The following SLAMF8 variants were observed in gnomAD, a reference collection of about 807,000 sequenced individuals.
SLAMF8 encodes the protein B lymphocyte activator macrophage expressed.
In SLAMF8, 23 loss-of-function variants were observed where a neutral mutation model predicts 29.0. The observed-to-expected ratio is 0.79, with a 90% CI of 0.57 to 1.13. The LOEUF (loss-of-function observed/expected upper bound fraction) is 1.13. Among genes scored for constraint, SLAMF8 ranks in the 50% most tolerant of loss-of-function variants. The pLI is 0.00. For missense variants in SLAMF8, 381 were observed against 353.1 expected (o/e 1.08, Z -0.63); for synonymous variants, 139 against 145.6 (o/e 0.96, Z 0.32).
At chr1:159,833,664 C>G (rs1050544823) in intron 4 of SLAMF8, among the ~76,000 whole-genome samples, 1 of 152,178 alleles carries the variant, frequency 6.6e-6, no homozygotes, top group African/African-American at 2.4e-5. Context: ...AGCCTCCCCC[C>G]TTCATGTGGC....
In SLAMF8 at chr1:159,829,977, G is replaced by C. The variant is rs140969397; in HGVS notation, c.152G>C (p.Arg51Pro). The C allele has an allele frequency of 1.1e-5, 17 of 1,614,124 alleles. No homozygotes were observed. Among genetic ancestry groups the C allele is most frequent in the Non-Finnish European group, 1.4e-5 (17 of 1,180,054 alleles). ...TTCCAAGTCCGTGAGGCTATCTGGC[G>C]ATCTCTCTGGCCTTCAGAAGAGCTC... is the stretch of plus-strand genomic sequence containing the variant. ...PGFQVREAIW[R>P]SLWPSEELLA... is the part of the protein sequence containing the mutation. Residue 51 changes from arginine (R) to proline (P), a missense_variant, in exon 2 of 5, where the codon CGA (arginine) becomes CCA (proline). Arg to Pro is a moderately radical substitution (Grantham distance 103, BLOSUM62 -2). Coordinates refer to ENST00000289707, the MANE Select transcript of SLAMF8 (RefSeq NM_020125.3).
Position 159,837,041 on chromosome 1 carries a change from A to G in SLAMF8, c.*1781A>G, listed in dbSNP as rs555916057. ...AATGAGCCCTGGTGGATTTGTGGGGAAAAAATACACAGCACTCCCCACCTT... is the reference window on the plus strand; with the variant it reads ...AATGAGCCCTGGTGGATTTGTGGGGGAAAAATACACAGCACTCCCCACCTT... On this transcript the variant is annotated 3_prime_UTR_variant, in exon 5 of 5. Coordinates refer to ENST00000289707, the MANE Select transcript of SLAMF8 (RefSeq NM_020125.3). 2 of 985,416 alleles carry G rather than the reference A, an allele frequency of 2.0e-6. No individual in the cohort carries two copies. Among genetic ancestry groups the G allele is most frequent in the East Asian group, 1.1e-4 (1 of 8,820 alleles). 61.0% of individuals were successfully genotyped at this position (985,416 alleles called of 1,614,324 possible). A position where few individuals can be genotyped will look rare whatever the true frequency, so the allele number is the denominator to read the frequency against.
At chr1:159,831,576 A>AT (rs1647491168) in intron 2 of SLAMF8, among the ~76,000 whole-genome samples, 1 of 151,996 alleles carries the variant, frequency 6.6e-6, no homozygotes, top group African/African-American at 2.4e-5. Context: ...GCTGCCGCAC[A>AT]TGTGAAATGA....
chr1:159,830,143 G>A lies in SLAMF8; in HGVS notation c.318G>A (p.Val106=), dbSNP rs754307631. Residue 106 remains valine (V), a synonymous_variant, in exon 2 of 5, where the codon GTG becomes GTA. Coordinates refer to ENST00000289707, the MANE Select transcript of SLAMF8 (RefSeq NM_020125.3). Reference sequence around the variant, plus strand: ...GCGGCAACTTCTCCGTGTTGATGGTGGACACAAGGGGCCAGCCCTGGACCC... The same window carrying A: ...GCGGCAACTTCTCCGTGTTGATGGTAGACACAAGGGGCCAGCCCTGGACCC... ...GDSGNFSVLM[V]DTRGQPWTQT... 2 of 1,613,580 alleles carry A rather than the reference G, an allele frequency of 1.2e-6. No individual in the cohort carries two copies. The highest frequency in any genetic ancestry group is 2.2e-5 in the East Asian group (1 of 44,842).
At chr1:159,833,230 G>A in intron 3 of SLAMF8, 32 bp from the exon 4 acceptor site, 2 of 1,614,134 alleles carry the variant, frequency 1.2e-6, no homozygotes, top group African/African-American at 1.3e-5. Flanking sequence ...GAAGCATCAA[G>A]TCCACCTCTA....
chr1:159,833,506 C>G lies in SLAMF8; in HGVS notation c.781+137C>G. On this transcript the variant is annotated intron_variant, in intron 4 of 4. Coordinates refer to ENST00000289707, the MANE Select transcript of SLAMF8 (RefSeq NM_020125.3). ...CTCCCACCTCATCTCTTGGCCTTCT[C>G]TAGCTCATATCTTGGTTTACAACCA... is the stretch of plus-strand genomic sequence containing the variant. 4.0e-6 allele frequency: 5 copies of G among 1,251,190 alleles called. No homozygotes were observed. The South Asian group carries it at 7.1e-5, about 18-fold the overall frequency. 77.5% of individuals were successfully genotyped at this position (1,251,190 alleles called of 1,614,324 possible). A position where few individuals can be genotyped will look rare whatever the true frequency, so the allele number is the denominator to read the frequency against.
Position 159,836,621 on chromosome 1 carries a change from C to T in SLAMF8, c.*1361C>T, listed in dbSNP as rs569410900. 1.0e-6 allele frequency: 1 copy of T among 985,424 alleles called. No homozygotes were observed. Among genetic ancestry groups the T allele is most frequent in the Admixed American group, 6.1e-5 (1 of 16,282 alleles). 61.0% of individuals were successfully genotyped at this position (985,424 alleles called of 1,614,324 possible). ...ATTTTCCCAGGGTGGCTTCAATCTC[C>T]CCACCTAGGATGTCAGCCCTGTCCA... On this transcript the variant is annotated 3_prime_UTR_variant, in exon 5 of 5. Transcript: ENST00000289707.
Position 159,836,648 on chromosome 1 carries a change from G to A in SLAMF8, c.*1388G>A, listed in dbSNP as rs1647963590. 1.0e-6 allele frequency: 1 copy of A among 985,432 alleles called. No homozygotes were observed. The highest frequency in any genetic ancestry group is 1.7e-5 in the African/African-American group (1 of 57,352). 61.0% of individuals were successfully genotyped at this position (985,432 alleles called of 1,614,324 possible). On this transcript the variant is annotated 3_prime_UTR_variant, in exon 5 of 5. Coordinates refer to ENST00000289707, the MANE Select transcript of SLAMF8 (RefSeq NM_020125.3). ...CACCTAGGATGTCAGCCCTGTCCAAGGACCTTCCCTCTTCTCCCCAGTTCC... is the reference window on the plus strand; with the variant it reads ...CACCTAGGATGTCAGCCCTGTCCAAAGACCTTCCCTCTTCTCCCCAGTTCC...
In SLAMF8 at chr1:159,832,763, C is replaced by A. The variant is rs1274705336; in HGVS notation, c.368-113C>A. ...TGGAAAGCCAGACAAGATTTTGGAACAAGAGAGGCCTAGCCAGAGGTGGCA... is the reference window on the plus strand; with the variant it reads ...TGGAAAGCCAGACAAGATTTTGGAAAAAGAGAGGCCTAGCCAGAGGTGGCA... On this transcript the variant is annotated intron_variant, in intron 2 of 4. Transcript: ENST00000289707. 3 of 1,209,676 alleles carry A rather than the reference C, an allele frequency of 2.5e-6. No individual in the cohort carries two copies. In the East Asian group the frequency reaches 7.1e-5, roughly 28 times the overall value. The allele number at this position is 1,209,676 out of a possible 1,614,324, so 74.9% of individuals were successfully genotyped here.
At chr1:159,827,858 G>A (rs546527491) in intron 1 of SLAMF8, among the ~76,000 whole-genome samples, 7 of 151,550 alleles carry the variant, frequency 4.6e-5, no homozygotes, top group South Asian at 2.1e-4. Context: ...TCTTTGAGAC[G>A]GAGTCTTGCT....
chr1:159,830,213 C>G (rs148674725), intron 2 of SLAMF8, 21 bp downstream of exon 2: 1 of 1,544,164 alleles, frequency 6.5e-7, no homozygotes, highest in African/African-American at 1.4e-5. Flanking sequence ...CTGACACTGG[C>G]TGCCTGGCCC....
Position 159,835,575 on chromosome 1 carries a change from T to C in SLAMF8, c.*315T>C, listed in dbSNP as rs1647867126. 4.6e-6 allele frequency: 5 copies of C among 1,098,290 alleles called. No homozygotes were observed. The highest frequency in any genetic ancestry group is 4.7e-5 in the Admixed American group (1 of 21,142). 68.0% of individuals were successfully genotyped at this position (1,098,290 alleles called of 1,614,324 possible). A position where few individuals can be genotyped will look rare whatever the true frequency, so the allele number is the denominator to read the frequency against. On this transcript the variant is annotated 3_prime_UTR_variant, in exon 5 of 5. Transcript: ENST00000289707. ...TCCAGATCCATGGGGACATTAATAGTCCAAGGCATTCCCTCCCCCACCACT... is the reference window on the plus strand; with the variant it reads ...TCCAGATCCATGGGGACATTAATAGCCCAAGGCATTCCCTCCCCCACCACT...
rs1417901575 is a variant in SLAMF8 at position 159,835,082 on chromosome 1, C to T, written c.782-102C>T. ...AGAAATGTTCCTTTACCTAAGGTGA[C>T]CTTGGGCTAACACACTGAGGATTCA... On this transcript the variant is annotated intron_variant, in intron 4 of 4. Coordinates refer to ENST00000289707, the MANE Select transcript of SLAMF8 (RefSeq NM_020125.3). The T allele has an allele frequency of 1.4e-5, 15 of 1,069,808 alleles. No individual in the cohort carries two copies. In the Admixed American group the frequency reaches 2.8e-4, roughly 20 times the overall value. 66.3% of individuals were successfully genotyped at this position (1,069,808 alleles called of 1,614,324 possible).
chr1:159,830,273 G>C (rs559389695), intron 2 of SLAMF8, 81 bp downstream of exon 2: 1 of 1,415,378 alleles, frequency 7.1e-7, no homozygotes, highest in Middle Eastern at 2.1e-4. Context: ...AGCAGCCAGG[G>C]AGAGCTGGGT....
rs1438294095 is a variant in SLAMF8, at chr1:159,836,611, C to T, written c.*1351C>T. Reference sequence around the variant, plus strand: ...TTGAAGTACTATTTTCCCAGGGTGGCTTCAATCTCCCCACCTAGGATGTCA... The same window carrying T: ...TTGAAGTACTATTTTCCCAGGGTGGTTTCAATCTCCCCACCTAGGATGTCA... On this transcript the variant is annotated 3_prime_UTR_variant, in exon 5 of 5. Transcript: ENST00000289707. The T allele has an allele frequency of 2.0e-6, 2 of 985,350 alleles. No individual in the cohort carries two copies. Among genetic ancestry groups the T allele is most frequent in the African/African-American group, 1.7e-5 (1 of 57,236 alleles). The allele number at this position is 985,350 out of a possible 1,614,324, so 61.0% of individuals were successfully genotyped here.
intron 4 of SLAMF8, 61 bp downstream of exon 4, chr1:159,833,430 G>C: frequency 6.2e-7 from 1 of 1,609,864 alleles, no homozygotes; most frequent in Non-Finnish European, 8.5e-7. Flanking sequence ...GGAGGAGGGG[G>C]TCTTGGACCT....
intron 2 of SLAMF8, among the ~76,000 whole-genome samples, chr1:159,830,565 A>C (rs1178946904): frequency 6.6e-6 from 1 of 152,166 alleles, no homozygotes; most frequent in Non-Finnish European, 1.5e-5. Context: ...CATCCAGGAC[A>C]GAGCCTGGCC....
intron 1 of SLAMF8, among the ~76,000 whole-genome samples, chr1:159,828,478 C>T (rs935840886): frequency 6.6e-6 from 1 of 152,196 alleles, no homozygotes; most frequent in African/African-American, 2.4e-5. Flanking sequence ...TTGACCAAAA[C>T]TTCATCACCT....
rs749107547 is a variant in SLAMF8 at position 159,836,043 on chromosome 1, G to A, written c.*783G>A. 89 of 985,258 alleles carry A rather than the reference G, an allele frequency of 9.0e-5. No individual in the cohort carries two copies. Among genetic ancestry groups the A allele is most frequent in the South Asian group, 1.4e-4 (3 of 21,290 alleles). The allele number at this position is 985,258 out of a possible 1,614,324, so 61.0% of individuals were successfully genotyped here. A position where few individuals can be genotyped will look rare whatever the true frequency, so the allele number is the denominator to read the frequency against. ...GTGAGGGTGGAGAGTCTTTCCTCAC[G>A]CTCCAGCACAGTGGCCAGGAAAAGA... On this transcript the variant is annotated 3_prime_UTR_variant, in exon 5 of 5. Coordinates refer to ENST00000289707, the MANE Select transcript of SLAMF8 (RefSeq NM_020125.3).
Sources: gnomAD v4.1 joint callset for allele counts (sites outside exome capture counted in the v4.1 genomes callset) on GRCh38, gnomAD v4.1.1 for gene constraint, MANE v1.5 for transcripts, NCBI Gene and HGNC (gene_info 2026-07-23, HGNC 2026-07-21) for gene names.